MUC13: variants seen among roughly 807,000 people sequenced by gnomAD.
MUC13 encodes the protein mucin-13.
In MUC13, 32 loss-of-function variants were observed where a neutral mutation model predicts 48.3. The observed-to-expected ratio is 0.66, with a 90% CI of 0.50 to 0.89. The LOEUF is 0.89. Ranked by LOEUF, MUC13 falls within the 40% of genes least tolerant of loss-of-function variation. The pLI is 0.00. For missense variants in MUC13, 571 were observed against 622.8 expected (o/e 0.92, Z 0.88); for synonymous variants, 199 against 224.9 (o/e 0.88, Z 1.03).
At position 124,927,782 on chromosome 3, in the gene MUC13, G is replaced by C. The variant is rs756116545; in HGVS notation, c.264C>G (p.Pro88=). Residue 88 remains proline, a synonymous_variant, in exon 2 of 12, where the codon CCC becomes CCG. Coordinates refer to ENST00000616727, the MANE Select transcript of MUC13 (RefSeq NM_033049.4). ...TGGAGGAACTATGTGTACTAATTAT[G>C]GGGGGAGCAGGTGTAGGAATTGTGG... ...SSSTIPTPAP[P]IISTHSSSTI... is the part of the protein sequence containing the mutation. 1.9e-6 allele frequency: 3 copies of C among 1,606,466 alleles called. No homozygotes were observed. In the South Asian group the frequency reaches 3.3e-5, roughly 18 times the overall value.
intron 1 of MUC13, among the ~76,000 whole-genome samples, chr3:124,928,316 A>G (rs1935731798): frequency 6.6e-6 from 1 of 152,216 alleles, no homozygotes; most frequent in Non-Finnish European, 1.5e-5. Context: ...AAATAACATT[A>G]AAAATTAAAC....
At chr3:124,909,716 G>A (rs1935385190) in intron 10 of MUC13, among the ~76,000 whole-genome samples, 1 of 152,066 alleles carries the variant, frequency 6.6e-6, no homozygotes, top group Non-Finnish European at 1.5e-5. Flanking sequence ...AACAACCCAG[G>A]GGGTTCAGTT....
intron 11 of MUC13, among the ~76,000 whole-genome samples, 196 bp downstream of exon 11, chr3:124,907,951 C>T (rs549781122): frequency 6.6e-6 from 1 of 152,278 alleles, no homozygotes; most frequent in South Asian, 2.1e-4. Context: ...AGTGATGTGT[C>T]TGTAGTCACA....
intron 9 of MUC13, 100 bp downstream of exon 9, chr3:124,912,004 A>G: frequency 6.7e-7 from 1 of 1,482,612 alleles, no homozygotes; most frequent in South Asian, 1.3e-5. Flanking sequence ...ATGAAAGAGG[A>G]CAGAGACTTT....
intron 5 of MUC13, among the ~76,000 whole-genome samples, chr3:124,918,500 C>T (rs188422379): frequency 5.1e-4 from 78 of 152,330 alleles, no homozygotes; most frequent in African/African-American, 1.5e-3. Flanking sequence ...AGAAAGGAAA[C>T]AGATGATGTT....
Position 124,906,485 on chromosome 3 carries a change from G to A in MUC13, c.*258C>T, listed in dbSNP as rs1036394582. 5 of 152,204 alleles carry A rather than the reference G, an allele frequency of 3.3e-5. No individual in the cohort carries two copies. The highest frequency in any genetic ancestry group is 1.2e-4 in the African/African-American group (5 of 41,452). The allele number at this position is 152,204 out of a possible 1,614,324, so 9.4% of individuals were successfully genotyped here. A position where few individuals can be genotyped will look rare whatever the true frequency, so the allele number is the denominator to read the frequency against. On this transcript the variant is annotated 3_prime_UTR_variant, in exon 12 of 12. Coordinates refer to ENST00000616727, the MANE Select transcript of MUC13 (RefSeq NM_033049.4). ...ATTGTCTCAGTACTTTGTACTGATT[G>A]AAGAAAACCACCTCTCTGACAAGCG...
intron 2 of MUC13, among the ~76,000 whole-genome samples, chr3:124,927,160 C>A (rs887046908): frequency 1.3e-5 from 2 of 152,142 alleles, no homozygotes; most frequent in African/African-American, 4.8e-5. Context: ...ACCAGTGGTG[C>A]TGGACAGTCT....
chr3:124,927,969 T>C lies in MUC13; in HGVS notation c.77A>G (p.Asp26Gly), dbSNP rs1286186546. 1.3e-6 allele frequency: 2 copies of C among 1,563,612 alleles called. No individual in the cohort carries two copies. Among genetic ancestry groups the C allele is most frequent in the East Asian group, 4.5e-5 (2 of 44,540 alleles). Residue 26 changes from aspartate to glycine, a missense_variant, in exon 2 of 12, where the codon GAT becomes GGT. Asp to Gly is a moderately conservative substitution (Grantham distance 94). Transcript: ENST00000616727. ...NTATNQGNSA[D>G]AVTTTETATS... Reference sequence around the variant, plus strand: ...CGCAGTTTCTGTGGTTGTTACAGCATCAGCTGAGTTGCCTTGGTTGGTGGC... The same window carrying C: ...CGCAGTTTCTGTGGTTGTTACAGCACCAGCTGAGTTGCCTTGGTTGGTGGC...
At chr3:124,921,154 C>CA (rs1935587715) in intron 4 of MUC13, among the ~76,000 whole-genome samples, 1 of 149,926 alleles carries the variant, frequency 6.7e-6, no homozygotes. Flanking sequence ...TCTCTACTTC[C>CA]TTTTTTTTTT....
chr3:124,910,581 G>T, intron 9 of MUC13, 82 bp from the exon 10 acceptor site: 2 of 1,569,796 alleles, frequency 1.3e-6, no homozygotes, highest in South Asian at 1.2e-5. Flanking sequence ...TATTCCCAGG[G>T]ACTCCTAGCT....
intron 11 of MUC13, among the ~76,000 whole-genome samples, chr3:124,906,953 T>C (rs1241745172): frequency 6.6e-6 from 1 of 152,148 alleles, no homozygotes; most frequent in Non-Finnish European, 1.5e-5. Flanking sequence ...TCCTTTACCA[T>C]CTTCCTTCTT....
Position 124,922,305 on chromosome 3 carries a change from T to C in MUC13, c.638-2A>G, listed in dbSNP as rs774882752. On this transcript the variant is annotated splice_acceptor_variant, in intron 3 of 11. Coordinates refer to ENST00000616727, the MANE Select transcript of MUC13 (RefSeq NM_033049.4). LOFTEE classifies it high-confidence loss of function. Reference sequence around the variant, plus strand: ...AAATCTTCCCAGGGAATACCTTTCCTGAAAGTTAAGCAGAATCTTTCTGTA... The same window carrying C: ...AAATCTTCCCAGGGAATACCTTTCCCGAAAGTTAAGCAGAATCTTTCTGTA... The C allele has an allele frequency of 6.2e-7, 1 of 1,613,374 alleles. No individual in the cohort carries two copies. Among genetic ancestry groups the C allele is most frequent in the Admixed American group, 1.7e-5 (1 of 59,890 alleles).
chr3:124,926,606 A>G (rs1123829), intron 2 of MUC13, among the ~76,000 whole-genome samples: 65,597 of 152,000 alleles, frequency 0.43, 14,179 homozygotes, highest in South Asian at 0.47. Context: ...CATCCACTTG[A>G]TCTTTGACCC....
chr3:124,934,552 A>C (rs1048841077), intron 1 of MUC13, 109 bp downstream of exon 1: 1 of 760,918 alleles, frequency 1.3e-6, no homozygotes, highest in African/African-American at 1.7e-5. Context: ...TTCATTTATA[A>C]AATAGACCAT....
chr3:124,924,745 T>C (rs190765449), intron 2 of MUC13, among the ~76,000 whole-genome samples: 3 of 152,282 alleles, frequency 2.0e-5, no homozygotes, highest in Non-Finnish European at 4.4e-5. Flanking sequence ...AGATTTATTT[T>C]TTATTGTACA....
chr3:124,910,652 T>G (rs1020432824), intron 9 of MUC13, among the ~76,000 whole-genome samples, 153 bp from the exon 10 acceptor site: 12 of 152,158 alleles, frequency 7.9e-5, no homozygotes, highest in African/African-American at 2.9e-4. Context: ...TTGGCCTATT[T>G]CCTTTAGCAT....
rs535592983 is a variant in MUC13 at position 124,920,218 on chromosome 3, T to G, written c.800+16A>C. ...AGACACACATCTGCCTCCAAAATTG[T>G]CCATAACAAACTTACCTTACAGTAA... On this transcript the variant is annotated intron_variant, in intron 5 of 11. Transcript: ENST00000616727. 1 of 1,599,374 alleles carries G rather than the reference T, an allele frequency of 6.3e-7. No individual in the cohort carries two copies. Among genetic ancestry groups the G allele is most frequent in the Non-Finnish European group, 8.5e-7 (1 of 1,170,554 alleles).
Position 124,922,187 on chromosome 3 carries a change from A to T in MUC13, c.744+10T>A. ...ATGCTTTACAGAAAGGAAAGTTGGA[A>T]AATACTTACCAAGCTAGTAATTTCA... On this transcript the variant is annotated intron_variant, in intron 4 of 11. Transcript: ENST00000616727. The T allele has an allele frequency of 2.5e-6, 4 of 1,613,852 alleles. No homozygotes were observed. The highest frequency in any genetic ancestry group is 3.4e-6 in the Non-Finnish European group (4 of 1,179,928).
At chr3:124,909,639 T>A (rs1340762919) in intron 10 of MUC13, among the ~76,000 whole-genome samples, 3 of 151,656 alleles carry the variant, frequency 2.0e-5, no homozygotes. Flanking sequence ...AGTAGCAGGA[T>A]TACAGGGGTG....
Sources: allele counts gnomAD v4.1 joint callset (sites outside exome capture counted in the v4.1 genomes callset), GRCh38; gene constraint gnomAD v4.1.1; transcripts MANE v1.5; gene names NCBI Gene and HGNC (gene_info 2026-07-23, HGNC 2026-07-21).